Variants in ITGA1 observed in about 807,000 individuals in gnomAD.
ITGA1 encodes the protein integrin alpha-1.
Under a neutral mutation model 145.9 loss-of-function variants are expected in ITGA1, and 85 were observed. The observed-to-expected ratio is 0.58, with a 90% CI of 0.49 to 0.70. The LOEUF (loss-of-function observed/expected upper bound fraction) is 0.70, where lower values mean the gene tolerates loss of function less well. Among genes scored for constraint, ITGA1 ranks in the 30% least tolerant of loss-of-function variants. The pLI is 0.00. For synonymous variants in ITGA1, 520 were observed against 495.3 expected, an observed-to-expected ratio of 1.05 and a Z score of -0.66; for missense variants, 1,351 against 1,418.7, an observed-to-expected ratio of 0.95 and a Z score of 0.77.
chr5:52,890,605 A>G (rs1223664669), intron 8 of ITGA1, among the ~76,000 whole-genome samples: 1 of 152,182 alleles, frequency 6.6e-6, no homozygotes, highest in Non-Finnish European at 1.5e-5. Flanking sequence ...TTATGGATAC[A>G]CGATAGCTGT....
At position 52,915,517 on chromosome 5, in the gene ITGA1, C is replaced by T. The variant is rs374334622; in HGVS notation, c.1911C>T (p.Ile637=). 2.5e-6 allele frequency: 4 copies of T among 1,613,848 alleles called. No individual in the cohort carries two copies. The African/African-American group carries it at 4.0e-5, about 16-fold the overall frequency. The change falls in exon 15 of 29, where the codon ATC becomes ATT. Residue 637 remains isoleucine (I), a synonymous_variant. Coordinates refer to ENST00000282588, the MANE Select transcript of ITGA1 (RefSeq NM_181501.2). ...CACTGAAATTTTTTGGCCAGTCTAT[C>T]CACGGAGAAATGGATTTAAATGGTG... ...GKTLKFFGQS[I]HGEMDLNGDG... is the part of the protein sequence containing the mutation.
intron 1 of ITGA1, among the ~76,000 whole-genome samples, chr5:52,839,947 C>T (rs1486450133): frequency 6.6e-6 from 1 of 152,140 alleles, no homozygotes; most frequent in African/African-American, 2.4e-5. Flanking sequence ...TCCAAGTCAT[C>T]CAGAAAAATT....
chr5:52,888,404 G>A (rs899366644), intron 8 of ITGA1, among the ~76,000 whole-genome samples: 6 of 152,188 alleles, frequency 3.9e-5, no homozygotes, highest in Admixed American at 2.0e-4. Context: ...TGGCCATTGG[G>A]CTTCCCTTCC....
chr5:52,830,825 G>A lies in ITGA1; in HGVS notation c.62-18540G>A, dbSNP rs115286674. Among the ~76,000 whole-genome samples, 1,060 of 152,208 alleles carry A rather than the reference G, an allele frequency of 7.0e-3. 10 individuals are homozygous for A. The highest frequency in any genetic ancestry group is 0.024 in the African/African-American group (1,006 of 41,538). On this transcript the variant is annotated intron_variant, in intron 1 of 28. Coordinates refer to ENST00000282588, the MANE Select transcript of ITGA1 (RefSeq NM_181501.2). Reference sequence around the variant, plus strand: ...ACGCCAGGCAGGGCTGTCAGTTTGTGGAAAGGCAAACTGGGACCTCCCTCA... The same window carrying A: ...ACGCCAGGCAGGGCTGTCAGTTTGTAGAAAGGCAAACTGGGACCTCCCTCA...
At chr5:52,918,651 T>C (rs1750685440) in intron 15 of ITGA1, 81 bp from the exon 16 acceptor site, 4 of 1,376,216 alleles carry the variant, frequency 2.9e-6, no homozygotes, top group Non-Finnish European at 4.0e-6. Context: ...CCCTCTTCCA[T>C]GCACTCACTT....
At chr5:52,869,992 A>G (rs1473553111) in intron 6 of ITGA1, among the ~76,000 whole-genome samples, 1 of 152,192 alleles carries the variant, frequency 6.6e-6, no homozygotes, top group Non-Finnish European at 1.5e-5. Flanking sequence ...TTAAAGTTTG[A>G]TCATCTTTCA....
chr5:52,861,501 C>CT lies in ITGA1; in HGVS notation c.238dup (p.Tyr80LeufsTer2). The CT allele has an allele frequency of 6.2e-7, 1 of 1,613,820 alleles. No homozygotes were observed. The highest frequency in any genetic ancestry group is 2.2e-5 in the East Asian group (1 of 44,866). ...AACCCAAAAACAGAACTGGAGATGT[C>CT]TATAAGTGTCCAGTTGGGAGAGGTG... On this transcript the variant is annotated frameshift_variant, in exon 3 of 29. Transcript: ENST00000282588. LOFTEE classifies it high-confidence loss of function.
At chr5:52,820,985 C>G (rs1161645772) in intron 1 of ITGA1, among the ~76,000 whole-genome samples, 1 of 152,084 alleles carries the variant, frequency 6.6e-6, no homozygotes, top group African/African-American at 2.4e-5. Context: ...GTTTCATGTA[C>G]TCTTCAGTAT....
chr5:52,951,440 C>G (rs562196621), intron 28 of ITGA1, among the ~76,000 whole-genome samples: 1 of 152,252 alleles, frequency 6.6e-6, no homozygotes, highest in Admixed American at 6.5e-5. Context: ...AATTGCAGCA[C>G]TTATAACTTT....
chr5:52,834,904 A>C (rs960855990), intron 1 of ITGA1, among the ~76,000 whole-genome samples: 5 of 152,114 alleles, frequency 3.3e-5, no homozygotes, highest in African/African-American at 1.2e-4. Flanking sequence ...GACACAATTC[A>C]CTCTATTGAG....
Position 52,905,878 on chromosome 5 carries a change from C to A in ITGA1, c.1425C>A (p.Ile475=). ...TCTACAGGATGGAAGATGGAAACAT[C>A]AAAATTCTCCAGACGCTCAGTGGAG... ...VIIYRMEDGN[I]KILQTLSGEQ... Residue 475 remains isoleucine, a synonymous_variant, in exon 12 of 29, where the codon ATC becomes ATA. Coordinates refer to ENST00000282588, the MANE Select transcript of ITGA1 (RefSeq NM_181501.2). The A allele has an allele frequency of 1.2e-6, 2 of 1,613,162 alleles. No individual in the cohort carries two copies.
chr5:52,910,231 T>A lies in ITGA1; in HGVS notation c.1669T>A (p.Ser557Thr). 6.2e-7 allele frequency: 1 copy of A among 1,614,030 alleles called. No homozygotes were observed. The highest frequency in any genetic ancestry group is 8.5e-7 in the Non-Finnish European group (1 of 1,179,932). ...QTCCSSRQHN[S>T]CTTENKNEPC... Reference sequence around the variant, plus strand: ...GTGCTGTTCATCTCGGCAGCACAATTCATGCACAACAGAAAACAAAAATGA... The same window carrying A: ...GTGCTGTTCATCTCGGCAGCACAATACATGCACAACAGAAAACAAAAATGA... Residue 557 changes from serine to threonine, a missense_variant, in exon 14 of 29, where the codon TCA becomes ACA. Physicochemically the swap from Ser to Thr is moderately conservative, Grantham distance 58. Transcript: ENST00000282588.
chr5:52,801,827 C>G (rs1748494807), intron 1 of ITGA1: 1 of 1,603,338 alleles, frequency 6.2e-7, no homozygotes, highest in Non-Finnish European at 8.5e-7. Context: ...GATTCCAGTT[C>G]TGAAGAGGAT....
At chr5:52,815,382 A>T (rs977991452) in intron 1 of ITGA1, among the ~76,000 whole-genome samples, 3 of 152,336 alleles carry the variant, frequency 2.0e-5, no homozygotes, top group African/African-American at 7.2e-5. Flanking sequence ...AGTGAATGGG[A>T]CATACTTATT....
At chr5:52,934,686 G>T (rs1192402247) in intron 23 of ITGA1, among the ~76,000 whole-genome samples, 1 of 151,210 alleles carries the variant, frequency 6.6e-6, no homozygotes, top group Admixed American at 6.6e-5. Context: ...ATCACTCAAG[G>T]AAAAAAGAGA....
intron 26 of ITGA1, among the ~76,000 whole-genome samples, chr5:52,940,832 A>G (rs1751044163): frequency 6.6e-6 from 1 of 152,164 alleles, no homozygotes; most frequent in African/African-American, 2.4e-5. Context: ...CAGGGAGTAT[A>G]CATGCACGAG....
chr5:52,910,671 A>T (rs1439486019), intron 14 of ITGA1, among the ~76,000 whole-genome samples: 1 of 147,588 alleles, frequency 6.8e-6, no homozygotes, highest in Non-Finnish European at 1.5e-5. Context: ...TAGTATATAT[A>T]TATACACACT....
intron 1 of ITGA1, among the ~76,000 whole-genome samples, chr5:52,844,465 T>C (rs2111743137): frequency 6.6e-6 from 1 of 152,180 alleles, no homozygotes; most frequent in East Asian, 1.9e-4. Context: ...TGAATTAATA[T>C]GAATAGTGGT....
At chr5:52,797,732 C>A (rs1748373151) in intron 1 of ITGA1, among the ~76,000 whole-genome samples, 1 of 152,136 alleles carries the variant, frequency 6.6e-6, no homozygotes, top group Non-Finnish European at 1.5e-5. Context: ...AATTTCAATG[C>A]TAGTCATGTG....
Sources: allele counts gnomAD v4.1 joint callset (sites outside exome capture counted in the v4.1 genomes callset), GRCh38; gene constraint gnomAD v4.1.1; transcripts MANE v1.5; gene names NCBI Gene and HGNC (gene_info 2026-07-23, HGNC 2026-07-21).